Variants in PDE4D observed in about 807,000 individuals in gnomAD.
PDE4D encodes the protein 3',5'-cyclic-AMP phosphodiesterase 4D.
Under a neutral mutation model 87.4 loss-of-function variants are expected in PDE4D, and 24 were observed. The observed-to-expected ratio is 0.27, with a 90% CI of 0.20 to 0.39. The LOEUF is 0.39. Ranked by LOEUF, PDE4D falls within the 10% of genes least tolerant of loss-of-function variation. The pLI, the probability that PDE4D is intolerant of heterozygous loss-of-function variation, is 1.00. For missense variants in PDE4D, 714 were observed against 1,041.0 expected (o/e 0.69, Z 4.32); for synonymous variants, 384 against 383.2 (o/e 1.00, Z -0.02).
At chr5:59,812,193 A>AG (rs1346355285) in intron 1 of PDE4D, among the ~76,000 whole-genome samples, 1 of 152,102 alleles carries the variant, frequency 6.6e-6, no homozygotes, top group Non-Finnish European at 1.5e-5. Flanking sequence ...CTAGTCTTGG[A>AG]GGTGAATCTG....
chr5:60,504,534 A>C (rs537577975), intron 1 of PDE4D, among the ~76,000 whole-genome samples: 1 of 152,272 alleles, frequency 6.6e-6, no homozygotes, highest in Non-Finnish European at 1.5e-5. Context: ...AAAAAAGATC[A>C]GGTAACAAAA....
At chr5:59,094,409 A>T (rs918199150) in intron 5 of PDE4D, among the ~76,000 whole-genome samples, 3 of 152,072 alleles carry the variant, frequency 2.0e-5, no homozygotes, top group African/African-American at 7.2e-5. Flanking sequence ...GATATGATCT[A>T]GGAGATCCAA....
At chr5:59,229,659 A>C (rs1440558054) in intron 1 of PDE4D, among the ~76,000 whole-genome samples, 1 of 152,220 alleles carries the variant, frequency 6.6e-6, no homozygotes. Context: ...AAAGGGAACC[A>C]GGCCAGTGAG....
chr5:59,478,993 T>C (rs1803780882), intron 1 of PDE4D, among the ~76,000 whole-genome samples: 1 of 152,138 alleles, frequency 6.6e-6, no homozygotes. Flanking sequence ...TAGTAACCTC[T>C]GTTATTCAAA....
At chr5:60,044,492 C>T (rs1271107020) in intron 2 of PDE4D, among the ~76,000 whole-genome samples, 1 of 152,078 alleles carries the variant, frequency 6.6e-6, no homozygotes, top group African/African-American at 2.4e-5. Flanking sequence ...TTAGCTATAT[C>T]TCCCATTGCT....
intron 1 of PDE4D, among the ~76,000 whole-genome samples, chr5:59,885,476 A>G (rs762662599): frequency 1.3e-5 from 2 of 152,134 alleles, no homozygotes; most frequent in African/African-American, 4.8e-5. Context: ...TTAGTATACT[A>G]TGTTCTCATA....
At chr5:60,314,790 T>C (rs1755396696) in intron 1 of PDE4D, among the ~76,000 whole-genome samples, 1 of 152,152 alleles carries the variant, frequency 6.6e-6, no homozygotes, top group African/African-American at 2.4e-5. Flanking sequence ...TCCAGCTTCA[T>C]CCATGTCCCT....
intron 1 of PDE4D, among the ~76,000 whole-genome samples, chr5:60,222,673 C>T (rs939285362): frequency 6.6e-6 from 1 of 152,056 alleles, no homozygotes; most frequent in Non-Finnish European, 1.5e-5. Context: ...TTTAGCCATT[C>T]TCATAAATGT....
At chr5:59,740,268 A>C (rs1339525085) in intron 1 of PDE4D, among the ~76,000 whole-genome samples, 1 of 152,140 alleles carries the variant, frequency 6.6e-6, no homozygotes. Context: ...TTGTTTTATA[A>C]AGTGCCCACA....
chr5:60,267,215 G>A (rs1051306976), intron 1 of PDE4D, among the ~76,000 whole-genome samples: 1 of 152,200 alleles, frequency 6.6e-6, no homozygotes, highest in Admixed American at 6.5e-5. Flanking sequence ...AAAGAGATGA[G>A]AGAGGAGAGG....
At chr5:60,498,048 C>A in intron 1 of PDE4D, among the ~76,000 whole-genome samples, 1 of 152,098 alleles carries the variant, frequency 6.6e-6, no homozygotes, top group East Asian at 1.9e-4. Context: ...CGAAAAGAAA[C>A]AATGATCCAT....
intron 5 of PDE4D, among the ~76,000 whole-genome samples, chr5:59,122,254 A>T (rs534442558): frequency 6.6e-6 from 1 of 152,292 alleles, no homozygotes; most frequent in Admixed American, 6.5e-5. Flanking sequence ...CGTCATTTAC[A>T]GCAACATGGA....
Position 60,460,965 on chromosome 5 carries a change from G to C in PDE4D, c.-90+26977C>G, listed in dbSNP as rs76366679. Among the ~76,000 whole-genome samples the C allele has an allele frequency of 2.2e-3, 335 of 151,944 alleles. 2 individuals are homozygous for C. Among genetic ancestry groups the C allele is most frequent in the African/African-American group, 7.9e-3 (327 of 41,460 alleles). On this transcript the variant is annotated intron_variant, in intron 1 of 16. Transcript: ENST00000502484. Reference sequence around the variant, plus strand: ...AAAAATGGAAAAGCCATAGCTGTTTGGACCCCCCAAGGAAGCTAATCAACC... The same window carrying C: ...AAAAATGGAAAAGCCATAGCTGTTTCGACCCCCCAAGGAAGCTAATCAACC...
intron 2 of PDE4D, among the ~76,000 whole-genome samples, chr5:60,023,280 C>G (rs879875789): frequency 6.6e-6 from 1 of 152,176 alleles, no homozygotes; most frequent in Non-Finnish European, 1.5e-5. Context: ...AATTCTTTCT[C>G]TACCTCAACT....
At chr5:59,040,218 T>G (rs1759451440) in intron 5 of PDE4D, 1 of 152,278 alleles carries the variant, frequency 6.6e-6, no homozygotes, top group African/African-American at 2.4e-5. Flanking sequence ...CAGTCCCTAC[T>G]AAGTACCAGA....
chr5:59,722,351 C>A (rs1201988694), intron 1 of PDE4D, among the ~76,000 whole-genome samples: 1 of 152,122 alleles, frequency 6.6e-6, no homozygotes, highest in African/African-American at 2.4e-5. Flanking sequence ...AGATGAACAA[C>A]CTGAATTTAA....
At chr5:59,759,380 G>A (rs1309257430) in intron 1 of PDE4D, among the ~76,000 whole-genome samples, 1 of 152,116 alleles carries the variant, frequency 6.6e-6, no homozygotes, top group Non-Finnish European at 1.5e-5. Flanking sequence ...AGTAGCAACG[G>A]CTTCAGCTCG....
At chr5:59,267,801 G>C (rs1211498316) in intron 1 of PDE4D, among the ~76,000 whole-genome samples, 1 of 152,072 alleles carries the variant, frequency 6.6e-6, no homozygotes, top group Non-Finnish European at 1.5e-5. Flanking sequence ...GCAATCCTTG[G>C]TGTGCATACA....
chr5:59,820,650 A>T (rs958997660), intron 1 of PDE4D, among the ~76,000 whole-genome samples: 1 of 152,228 alleles, frequency 6.6e-6, no homozygotes, highest in Admixed American at 6.5e-5. Flanking sequence ...TGACACGAAC[A>T]TGCAGGAAAA....
Sources: allele counts gnomAD v4.1 joint callset (sites outside exome capture counted in the v4.1 genomes callset), GRCh38; gene constraint gnomAD v4.1.1; transcripts MANE v1.5; gene names NCBI Gene and HGNC (gene_info 2026-07-23, HGNC 2026-07-21).